ADORA2B: variants seen among roughly 807,000 people sequenced by gnomAD.
The protein encoded by ADORA2B is adenosine A2b receptor, also known as adenosine receptor A2b.
A neutral mutation model predicts 20.8 loss-of-function variants in ADORA2B; 18 were observed. The observed-to-expected ratio is 0.87, with a 90% CI of 0.60 to 1.29. The LOEUF is 1.29. Ranked by LOEUF, ADORA2B falls within the 50% of genes most tolerant of loss-of-function variation. ADORA2B has a pLI of 0.00. For missense variants in ADORA2B, 441 were observed against 422.7 expected, an observed-to-expected ratio of 1.04 and a Z score of -0.38; for synonymous variants, 179 against 178.3, an observed-to-expected ratio of 1.00 and a Z score of -0.03.
chr17:15,909,410 T>G, the ADORA2B span, among the ~76,000 whole-genome samples: 1 of 152,214 alleles, frequency 6.6e-6, no homozygotes, highest in African/African-American at 2.4e-5. Flanking sequence ...GCTCTCATAG[T>G]CCTTTATTTG....
intron 1 of ADORA2B, among the ~76,000 whole-genome samples, chr17:15,967,692 A>G (rs1970138552): frequency 6.6e-6 from 1 of 152,180 alleles, no homozygotes; most frequent in African/African-American, 2.4e-5. Flanking sequence ...AAAAAATGAT[A>G]TTACAAAGGA....
the ADORA2B span, among the ~76,000 whole-genome samples, chr17:15,907,639 C>A: frequency 1.4e-3 from 212 of 152,204 alleles, 1 homozygote; most frequent in African/African-American, 4.9e-3. Context: ...TAAAAACCAG[C>A]AAATTAGCAA....
chr17:15,861,466 G>C, the ADORA2B span, among the ~76,000 whole-genome samples: 1 of 152,192 alleles, frequency 6.6e-6, no homozygotes, highest in African/African-American at 2.4e-5. Flanking sequence ...CTAAGGAAGA[G>C]GTTTGTGCTT....
the ADORA2B span, among the ~76,000 whole-genome samples, chr17:15,891,466 C>T: frequency 6.6e-6 from 1 of 152,164 alleles, no homozygotes; most frequent in African/African-American, 2.4e-5. Flanking sequence ...CCTCCCTGGG[C>T]TCTTATTGCA....
At chr17:15,882,007 A>G in the ADORA2B span, among the ~76,000 whole-genome samples, 1 of 152,210 alleles carries the variant, frequency 6.6e-6, no homozygotes, top group Non-Finnish European at 1.5e-5. Context: ...TCTCAGAGGC[A>G]TGGAACGCAG....
the ADORA2B span, among the ~76,000 whole-genome samples, chr17:15,861,734 T>C: frequency 1.3e-5 from 2 of 152,222 alleles, 1 homozygote; most frequent in South Asian, 4.1e-4. Context: ...CACACCTCTG[T>C]CACCTCCTCC....
chr17:15,898,606 A>T, the ADORA2B span, among the ~76,000 whole-genome samples: 1 of 151,876 alleles, frequency 6.6e-6, no homozygotes, highest in African/African-American at 2.4e-5. Flanking sequence ...TGACTTCGTG[A>T]TCCACCCGCC....
the ADORA2B span, among the ~76,000 whole-genome samples, chr17:15,878,712 A>G: frequency 0.032 from 4,904 of 152,176 alleles, 131 homozygotes; most frequent in Non-Finnish European, 0.048. Context: ...AGATTTTTGT[A>G]TTGTTTTCTG....
upstream of ADORA2B, among the ~76,000 whole-genome samples, chr17:15,943,887 C>T (rs559576124): frequency 6.6e-6 from 1 of 152,290 alleles, no homozygotes; most frequent in Non-Finnish European, 1.5e-5. Context: ...TCTTTGGTGA[C>T]TGTCAGCAAA....
At chr17:15,953,455 C>T (rs1183573524) in intron 1 of ADORA2B, among the ~76,000 whole-genome samples, 6 of 152,336 alleles carry the variant, frequency 3.9e-5, no homozygotes, top group Non-Finnish European at 7.4e-5. Context: ...TTTCTCTTGG[C>T]ATTTGCCCCG....
upstream of ADORA2B, among the ~76,000 whole-genome samples, chr17:15,942,417 C>T (rs565095407): frequency 6.6e-6 from 1 of 152,230 alleles, no homozygotes; most frequent in Admixed American, 6.5e-5. Flanking sequence ...CAGATGCTGG[C>T]ACTATGGTTT....
the ADORA2B span, among the ~76,000 whole-genome samples, chr17:15,902,411 T>A: frequency 6.6e-6 from 1 of 152,178 alleles, no homozygotes; most frequent in African/African-American, 2.4e-5. Context: ...TTGGCCAGGC[T>A]GGCCCCAAAC....
At chr17:15,934,022 A>G in the ADORA2B span, among the ~76,000 whole-genome samples, 1 of 151,442 alleles carries the variant, frequency 6.6e-6, no homozygotes, top group East Asian at 1.9e-4. Context: ...GGTTGAAGAT[A>G]TTTCTTTCCA....
At chr17:15,928,029 T>C in the ADORA2B span, among the ~76,000 whole-genome samples, 148,884 of 152,104 alleles carry the variant, frequency 0.98, 72,912 homozygotes, top group Non-Finnish European at 0.99. Context: ...ACGGTGGTCT[T>C]GATCTCCTGA....
the ADORA2B span, among the ~76,000 whole-genome samples, chr17:15,889,877 A>G: frequency 7.7e-6 from 1 of 129,652 alleles, no homozygotes; most frequent in Admixed American, 7.6e-5. Context: ...CAGCCTGGGC[A>G]ACAGAGCAAG....
chr17:15,953,323 A>G (rs967758425), intron 1 of ADORA2B, among the ~76,000 whole-genome samples: 16 of 152,228 alleles, frequency 1.1e-4, no homozygotes, highest in African/African-American at 3.4e-4. Flanking sequence ...ATTATCTTCT[A>G]TTTTTTTGAG....
chr17:15,900,398 C>T, the ADORA2B span, among the ~76,000 whole-genome samples: 1 of 152,156 alleles, frequency 6.6e-6, no homozygotes, highest in Non-Finnish European at 1.5e-5. Flanking sequence ...ATTCCCTTTT[C>T]TCCTCAACCT....
intron 1 of ADORA2B, among the ~76,000 whole-genome samples, chr17:15,961,298 C>T (rs1006800885): frequency 6.6e-6 from 1 of 151,290 alleles, no homozygotes; most frequent in African/African-American, 2.4e-5. Flanking sequence ...AAAAAATTAA[C>T]ATTTTTGAGT....
At chr17:15,930,580 G>A in the ADORA2B span, among the ~76,000 whole-genome samples, 2 of 152,290 alleles carry the variant, frequency 1.3e-5, no homozygotes, top group East Asian at 3.9e-4. Flanking sequence ...ACAGACGTGA[G>A]CCACCGTGCC....
Sources: allele counts gnomAD v4.1 joint callset (sites outside exome capture counted in the v4.1 genomes callset), GRCh38; gene constraint gnomAD v4.1.1; transcripts MANE v1.5; gene names NCBI Gene and HGNC (gene_info 2026-07-23, HGNC 2026-07-21).